The following PTPN13 variants were observed in gnomAD, a reference collection of about 807,000 sequenced individuals.
PTPN13 encodes the protein tyrosine-protein phosphatase non-receptor type 13.
PTPN13 carries 191 observed loss-of-function variants against 284.0 expected under a neutral mutation model. The observed-to-expected ratio is 0.67, with a 90% confidence interval of 0.60 to 0.76. PTPN13 has a LOEUF of 0.76. Among genes scored for constraint, PTPN13 ranks in the 30% least tolerant of loss-of-function variants. PTPN13 has a pLI of 0.00. For missense variants in PTPN13, 2,797 were observed against 2,939.9 expected (o/e 0.95, Z 1.12); for synonymous variants, 986 against 1,022.3 (o/e 0.96, Z 0.68).
intron 3 of PTPN13, among the ~76,000 whole-genome samples, chr4:86,680,818 G>A (rs925064641): frequency 9.2e-5 from 14 of 152,076 alleles, no homozygotes; most frequent in African/African-American, 2.7e-4. Context: ...TGTGCTTCTG[G>A]GCTTCACTTC....
chr4:86,760,047 A>G (rs576031166), intron 23 of PTPN13, among the ~76,000 whole-genome samples: 1 of 152,196 alleles, frequency 6.6e-6, no homozygotes, highest in African/African-American at 2.4e-5. Context: ...AACATGTTAT[A>G]TGTTGTGATA....
intron 17 of PTPN13, 122 bp downstream of exon 17, chr4:86,745,250 T>A (rs1313830371): frequency 2.2e-6 from 2 of 914,530 alleles, no homozygotes; most frequent in African/African-American, 3.4e-5. Flanking sequence ...GTTAAATAGC[T>A]AAATCAAGTC....
intron 19 of PTPN13, among the ~76,000 whole-genome samples, chr4:86,752,281 T>C (rs751765390): frequency 6.6e-6 from 1 of 152,168 alleles, no homozygotes; most frequent in Non-Finnish European, 1.5e-5. Context: ...TATTCTATAA[T>C]TGGATTCAGG....
chr4:86,659,588 G>T (rs557004003), intron 2 of PTPN13, among the ~76,000 whole-genome samples: 2 of 152,284 alleles, frequency 1.3e-5, no homozygotes, highest in South Asian at 4.1e-4. Context: ...GGCCAAGGTG[G>T]ACGGATCACT....
At chr4:86,802,146 A>AGTGT (rs55759778) in intron 42 of PTPN13, among the ~76,000 whole-genome samples, 5,196 of 135,152 alleles carry the variant, frequency 0.038, 135 homozygotes, top group Middle Eastern at 0.053. Flanking sequence ...TCAAGATTTT[A>AGTGT]GTGTGTGTGT....
chr4:86,612,006 G>C (rs1478723145), intron 1 of PTPN13, among the ~76,000 whole-genome samples: 3 of 152,158 alleles, frequency 2.0e-5, no homozygotes, highest in Admixed American at 6.5e-5. Context: ...GATGTATGAA[G>C]CACTGGGTAG....
At chr4:86,747,188 G>A (rs892438880) in intron 17 of PTPN13, among the ~76,000 whole-genome samples, 1 of 152,230 alleles carries the variant, frequency 6.6e-6, no homozygotes, top group Middle Eastern at 3.2e-3. Context: ...GAACAATATG[G>A]TATAGCAGTT....
chr4:86,680,053 C>CTTA (rs2148921982), intron 3 of PTPN13, among the ~76,000 whole-genome samples: 1 of 152,242 alleles, frequency 6.6e-6, no homozygotes, highest in Admixed American at 6.5e-5. Context: ...AATAATAGTA[C>CTTA]TTACCTTGTA....
In PTPN13 at chr4:86,734,342, C is replaced by A; in HGVS notation, c.1898C>A (p.Thr633Asn). 6.5e-7 allele frequency: 1 copy of A among 1,544,428 alleles called. No homozygotes were observed. Residue 633 changes from threonine (T) to asparagine (N), a missense_variant, in exon 13 of 48, where the codon ACC (threonine) becomes AAC (asparagine). Coordinates refer to ENST00000411767, the MANE Select transcript of PTPN13 (RefSeq NM_080683.3). ...YFFVDPDLKLTKVAPEGWKEE... is the reference protein window; with the variant it reads ...YFFVDPDLKLNKVAPEGWKEE... ...TTTGTTGATCCTGACTTAAAATTAA[C>A]CAAAGTGGCCCCAGAGGGATGGAAA...
intron 9 of PTPN13, among the ~76,000 whole-genome samples, chr4:86,721,720 C>T (rs1218067712): frequency 8.3e-6 from 1 of 120,642 alleles, no homozygotes; most frequent in Non-Finnish European, 1.7e-5. Context: ...TCTCCCTCCC[C>T]CTCCCCTTCC....
chr4:86,689,055 G>A lies in PTPN13; in HGVS notation c.411G>A (p.Glu137=). The stretch of plus-strand genomic sequence containing the variant: ...ACAGCATACTGCTTGGAATGTGTGA[G>A]GATGTTATTTACGCTCGAGTTTCTG... ...HLNSILLGMC[E]DVIYARVSVR... is the part of the protein sequence containing the mutation. Residue 137 remains glutamate, a synonymous_variant, in exon 5 of 48, where the codon GAG becomes GAA. Transcript: ENST00000411767. The A allele has an allele frequency of 6.3e-7, 1 of 1,586,968 alleles. No individual in the cohort carries two copies. Among genetic ancestry groups the A allele is most frequent in the Non-Finnish European group, 8.7e-7 (1 of 1,155,344 alleles).
At chr4:86,665,299 A>G (rs763074065) in intron 2 of PTPN13, among the ~76,000 whole-genome samples, 5 of 152,194 alleles carry the variant, frequency 3.3e-5, no homozygotes, top group African/African-American at 4.8e-5. Context: ...TCTCCTATTC[A>G]TAAAACAGAC....
intron 3 of PTPN13, among the ~76,000 whole-genome samples, chr4:86,676,078 T>C (rs950412133): frequency 6.6e-6 from 1 of 152,172 alleles, no homozygotes; most frequent in Admixed American, 6.5e-5. Context: ...CAACCGAACT[T>C]GACCAAAAAA....
At chr4:86,642,033 G>T (rs1319427705) in intron 2 of PTPN13, among the ~76,000 whole-genome samples, 1 of 152,088 alleles carries the variant, frequency 6.6e-6, no homozygotes. Flanking sequence ...TCGCAATTTT[G>T]TGTGATACAT....
At chr4:86,644,873 A>G (rs529156688) in intron 2 of PTPN13, among the ~76,000 whole-genome samples, 1 of 152,268 alleles carries the variant, frequency 6.6e-6, no homozygotes, top group East Asian at 1.9e-4. Context: ...GATGCAGAAA[A>G]ACATTTGGTA....
At chr4:86,791,288 TG>T (rs1389931232) in intron 40 of PTPN13, among the ~76,000 whole-genome samples, 9 of 151,890 alleles carry the variant, frequency 5.9e-5, no homozygotes, top group Non-Finnish European at 1.0e-4. Context: ...GCTTGACCAG[TG>T]GGGGGCATCC....
chr4:86,712,805 T>C (rs1268170025), intron 7 of PTPN13, among the ~76,000 whole-genome samples: 1 of 152,038 alleles, frequency 6.6e-6, no homozygotes, highest in Non-Finnish European at 1.5e-5. Context: ...TTAGTCAAAG[T>C]TGCATTTGTT....
chr4:86,688,760 TA>T (rs1729707841), intron 4 of PTPN13, among the ~76,000 whole-genome samples: 3 of 152,192 alleles, frequency 2.0e-5, no homozygotes, highest in African/African-American at 7.2e-5. Flanking sequence ...ACTTTATATT[TA>T]AAAATGCCCA....
chr4:86,750,842 C>A lies in PTPN13; in HGVS notation c.3023C>A (p.Ser1008Ter). 6.2e-7 allele frequency: 1 copy of A among 1,613,750 alleles called. No homozygotes were observed. The highest frequency in any genetic ancestry group is 8.5e-7 in the Non-Finnish European group (1 of 1,179,836). Residue 1008 changes from serine to a stop codon, truncating the protein, a stop_gained, in exon 18 of 48, where the codon TCA (serine) becomes TAA (stop). Coordinates refer to ENST00000411767, the MANE Select transcript of PTPN13 (RefSeq NM_080683.3). LOFTEE classifies it high-confidence loss of function. ...GTGGGAAAACCTTCTCACCAGATGT[C>A]AAGATCTGATGCAGAATCTTTGGCA... is the stretch of plus-strand genomic sequence containing the variant. ...ELVGKPSHQM[S>*]RSDAESLAGV... is the part of the protein sequence containing the mutation.
Sources: gnomAD v4.1 joint callset for allele counts (sites outside exome capture counted in the v4.1 genomes callset) on GRCh38, gnomAD v4.1.1 for gene constraint, MANE v1.5 for transcripts, NCBI Gene and HGNC (gene_info 2026-07-23, HGNC 2026-07-21) for gene names.